Variants in GAS2L3 observed in about 807,000 individuals in gnomAD.
GAS2L3 encodes the protein growth arrest specific 2 like 3.
A neutral mutation model predicts 37.0 loss-of-function variants in GAS2L3; 28 were observed. The ratio of observed to expected loss-of-function variants is 0.76; its 90% CI spans 0.56 to 1.04. GAS2L3 has a LOEUF of 1.04. Ranked by LOEUF, GAS2L3 falls within the 50% of genes least tolerant of loss-of-function variation. GAS2L3 has a pLI of 0.00. For missense variants in GAS2L3, 793 were observed against 817.6 expected, an observed-to-expected ratio of 0.97 and a Z score of 0.37; for synonymous variants, 290 against 296.6, an observed-to-expected ratio of 0.98 and a Z score of 0.23.
At position 100,626,935 on chromosome 12, in the gene GAS2L3, C is replaced by T. The variant is rs1371719796; in HGVS notation, c.*2045C>T. 1 of 151,698 alleles carries T rather than the reference C, an allele frequency of 6.6e-6. No individual in the cohort carries two copies. The highest frequency in any genetic ancestry group is 1.5e-5 in the Non-Finnish European group (1 of 67,922). 9.4% of individuals were successfully genotyped at this position (151,698 alleles called of 1,614,324 possible). On this transcript the variant is annotated 3_prime_UTR_variant, in exon 10 of 10. Transcript: ENST00000547754. ...TGAAACCTCTTCTCTACTAAAAATA[C>T]AAAATTAGCCGGGCATGGTGGCACA...
chr12:100,579,916 A>G, intron 1 of GAS2L3: 1 of 763,406 alleles, frequency 1.3e-6, no homozygotes, highest in South Asian at 1.4e-5. Flanking sequence ...AATGTTGTGG[A>G]GAGAACTGAA....
At chr12:100,608,294 C>T (rs1247813463) in intron 5 of GAS2L3, among the ~76,000 whole-genome samples, 1 of 152,142 alleles carries the variant, frequency 6.6e-6, no homozygotes, top group Non-Finnish European at 1.5e-5. Flanking sequence ...ACAAGTACCC[C>T]TGTGGCCACC....
At chr12:100,581,115 C>T (rs761163429) in intron 1 of GAS2L3, among the ~76,000 whole-genome samples, 3 of 152,190 alleles carry the variant, frequency 2.0e-5, no homozygotes, top group Non-Finnish European at 2.9e-5. Flanking sequence ...TAAAAGCCTT[C>T]GTGTTTTCTG....
At chr12:100,575,729 C>T (rs577186311) in intron 1 of GAS2L3, among the ~76,000 whole-genome samples, 12 of 152,056 alleles carry the variant, frequency 7.9e-5, no homozygotes, top group East Asian at 5.8e-4. Flanking sequence ...CCGCCCGACT[C>T]GGCCTCCCAA....
intron 3 of GAS2L3, among the ~76,000 whole-genome samples, chr12:100,597,568 G>A (rs1332403175): frequency 6.6e-6 from 1 of 151,890 alleles, no homozygotes; most frequent in African/African-American, 2.4e-5. Flanking sequence ...TGAAGTAAAT[G>A]TCCCTTAAAT....
chr12:100,579,933 T>G, intron 1 of GAS2L3: 1 of 773,336 alleles, frequency 1.3e-6, no homozygotes, highest in East Asian at 2.4e-5. Context: ...TGAAAAAGCG[T>G]ATGACCAAGT....
chr12:100,582,042 A>G (rs565043421), intron 1 of GAS2L3, among the ~76,000 whole-genome samples: 60 of 152,384 alleles, frequency 3.9e-4, no homozygotes, highest in African/African-American at 1.3e-3. Context: ...GCCCATGTTA[A>G]GAGACCACCA....
At chr12:100,618,033 T>C (rs1326940788) in intron 7 of GAS2L3, among the ~76,000 whole-genome samples, 1 of 151,958 alleles carries the variant, frequency 6.6e-6, no homozygotes, top group Admixed American at 6.6e-5. Context: ...ACTATGGGAG[T>C]GGTTACTTAA....
intron 1 of GAS2L3, among the ~76,000 whole-genome samples, chr12:100,590,919 G>A (rs1955838544): frequency 6.6e-6 from 1 of 151,764 alleles, no homozygotes; most frequent in Admixed American, 6.6e-5. Context: ...AATGGACTTT[G>A]GGGACTTGGG....
intron 1 of GAS2L3, among the ~76,000 whole-genome samples, chr12:100,585,548 C>A (rs1955769829): frequency 6.6e-6 from 1 of 152,106 alleles, no homozygotes; most frequent in Admixed American, 6.5e-5. Flanking sequence ...GCCACCACAC[C>A]CAGCCAACAC....
intron 2 of GAS2L3, chr12:100,593,674 C>T (rs1955874273): frequency 6.6e-6 from 1 of 152,032 alleles, no homozygotes; most frequent in Admixed American, 6.6e-5. Context: ...AAAAAATGGT[C>T]TTGGAAGCTT....
rs961975571 is a variant in GAS2L3 at position 100,627,786 on chromosome 12, C to T, written c.*2896C>T. On this transcript the variant is annotated 3_prime_UTR_variant, in exon 10 of 10. Coordinates refer to ENST00000547754, the MANE Select transcript of GAS2L3 (RefSeq NM_174942.3). ...TTTTTGTGTTTAATGTTTAATAAAA[C>T]GAGTATTAAGCTTAAATTACTGAAG... 11 of 152,130 alleles carry T rather than the reference C, an allele frequency of 7.2e-5. No individual in the cohort carries two copies. The highest frequency in any genetic ancestry group is 1.3e-4 in the Admixed American group (2 of 15,288). 9.4% of individuals were successfully genotyped at this position (152,130 alleles called of 1,614,324 possible).
At chr12:100,618,621 T>C (rs1216125930) in intron 8 of GAS2L3, 34 bp downstream of exon 8, 3 of 1,577,026 alleles carry the variant, frequency 1.9e-6, no homozygotes, top group African/African-American at 1.4e-5. Context: ...TTGACCATGA[T>C]ACCTTGAAGT....
At chr12:100,589,422 G>C (rs1955819414) in intron 1 of GAS2L3, among the ~76,000 whole-genome samples, 1 of 151,914 alleles carries the variant, frequency 6.6e-6, no homozygotes, top group Non-Finnish European at 1.5e-5. Context: ...ACAAATCATA[G>C]ACAACATGAA....
chr12:100,620,480 G>A (rs560183474), intron 8 of GAS2L3, among the ~76,000 whole-genome samples: 4 of 151,972 alleles, frequency 2.6e-5, no homozygotes, highest in South Asian at 4.2e-4. Context: ...CTCATGCCTT[G>A]TTCTGATTGT....
At chr12:100,616,412 T>C (rs545220652) in intron 6 of GAS2L3, among the ~76,000 whole-genome samples, 33 of 151,662 alleles carry the variant, frequency 2.2e-4, no homozygotes, top group Non-Finnish European at 3.1e-4. Context: ...ATGTTACCTG[T>C]TTTTTGTTTT....
chr12:100,597,395 A>G (rs571800758), intron 3 of GAS2L3, among the ~76,000 whole-genome samples: 60 of 152,224 alleles, frequency 3.9e-4, no homozygotes, highest in African/African-American at 1.3e-3. Context: ...TCAGGATTAT[A>G]ATAGAAATAA....
At chr12:100,588,891 A>T (rs1322355353) in intron 1 of GAS2L3, among the ~76,000 whole-genome samples, 1 of 152,188 alleles carries the variant, frequency 6.6e-6, no homozygotes, top group Non-Finnish European at 1.5e-5. Flanking sequence ...CCCCACGGGC[A>T]GTCAGACCTT....
intron 6 of GAS2L3, among the ~76,000 whole-genome samples, chr12:100,615,215 T>C (rs954009840): frequency 1.8e-4 from 28 of 152,304 alleles, no homozygotes; most frequent in Admixed American, 5.2e-4. Context: ...GGGTGTGAAG[T>C]AGTATTTTGT....
Sources: gnomAD v4.1 joint callset for allele counts (sites outside exome capture counted in the v4.1 genomes callset) on GRCh38, gnomAD v4.1.1 for gene constraint, MANE v1.5 for transcripts, NCBI Gene and HGNC (gene_info 2026-07-23, HGNC 2026-07-21) for gene names.